Variants in PMPCB observed in about 807,000 individuals in gnomAD.
PMPCB encodes mitochondrial-processing peptidase subunit beta.
A neutral mutation model predicts 61.5 loss-of-function variants in PMPCB; 46 were observed. The ratio of observed to expected loss-of-function variants is 0.75; its 90% CI spans 0.59 to 0.96. The LOEUF is 0.96. Ranked by LOEUF, PMPCB falls within the 40% of genes least tolerant of loss-of-function variation. The pLI is 0.00. For synonymous variants in PMPCB, 191 were observed against 201.6 expected, an observed-to-expected ratio of 0.95 and a Z score of 0.44; for missense variants, 590 against 602.4, an observed-to-expected ratio of 0.98 and a Z score of 0.22.
In PMPCB at chr7:103,314,165, C is replaced by T; in HGVS notation, c.*1894C>T. 1.0e-6 allele frequency: 1 copy of T among 985,358 alleles called. No homozygotes were observed. The highest frequency in any genetic ancestry group is 1.7e-5 in the African/African-American group (1 of 57,346). 61.0% of individuals were successfully genotyped at this position (985,358 alleles called of 1,614,324 possible). A position where few individuals can be genotyped will look rare whatever the true frequency, so the allele number is the denominator to read the frequency against. On this transcript the variant is annotated 3_prime_UTR_variant, in exon 13 of 13. Coordinates refer to ENST00000249269, the MANE Select transcript of PMPCB (RefSeq NM_004279.3). ...TTCTAGGAAGTCTTTTGTTGAATTT[C>T]CTTGTATTGGTTTAAAGCCCTAAAT...
chr7:103,330,441 C>A (rs187916852), downstream of PMPCB, among the ~76,000 whole-genome samples: 2 of 151,258 alleles, frequency 1.3e-5, no homozygotes, highest in East Asian at 2.0e-4. Flanking sequence ...GTGCTCTCCA[C>A]CATGCCTTGC....
chr7:103,299,391 A>C (rs544205727), intron 2 of PMPCB, 52 bp from the exon 3 acceptor site: 40 of 1,126,138 alleles, frequency 3.6e-5, no homozygotes, highest in Non-Finnish European at 5.0e-5. Flanking sequence ...TGTTCCCCCC[A>C]ACCTCAAATA....
In PMPCB at chr7:103,307,594, A is replaced by C; in HGVS notation, c.737-2A>C. ...ATGTGAAAATATTTTCTTTCAATTT[A>C]GGTGTTTCCCATGATGAATTGCTTG... On this transcript the variant is annotated splice_acceptor_variant, in intron 6 of 12. Coordinates refer to ENST00000249269, the MANE Select transcript of PMPCB (RefSeq NM_004279.3). LOFTEE classifies it high-confidence loss of function. 1 of 1,565,116 alleles carries C rather than the reference A, an allele frequency of 6.4e-7. No homozygotes were observed. Among genetic ancestry groups the C allele is most frequent in the East Asian group, 2.2e-5 (1 of 44,564 alleles).
chr7:103,313,946 T>C lies in PMPCB; in HGVS notation c.*1675T>C. ...AGACTAATACTACCAGTAGCCTGAC[T>C]ACTACTAGAAACTGCGGCCTGTGAG... On this transcript the variant is annotated 3_prime_UTR_variant, in exon 13 of 13. Transcript: ENST00000249269. 2 of 985,356 alleles carry C rather than the reference T, an allele frequency of 2.0e-6. No individual in the cohort carries two copies. Among genetic ancestry groups the C allele is most frequent in the Non-Finnish European group, 2.4e-6 (2 of 829,870 alleles). 61.0% of individuals were successfully genotyped at this position (985,356 alleles called of 1,614,324 possible). A position where few individuals can be genotyped will look rare whatever the true frequency, so the allele number is the denominator to read the frequency against.
At chr7:103,308,810 C>A in intron 7 of PMPCB, 142 bp from the exon 8 acceptor site, 1 of 524,738 alleles carries the variant, frequency 1.9e-6, no homozygotes. Flanking sequence ...TGTAATGAGG[C>A]CTGATAGTTA....
intron 12 of PMPCB, chr7:103,324,573 A>G: frequency 6.9e-7 from 1 of 1,452,412 alleles, no homozygotes; most frequent in African/African-American, 1.4e-5. Context: ...CTGAAATATC[A>G]AAGGAAATAT....
intron 7 of PMPCB, among the ~76,000 whole-genome samples, 192 bp downstream of exon 7, chr7:103,307,900 A>G (rs1817631117): frequency 6.6e-6 from 1 of 152,150 alleles, no homozygotes; most frequent in Non-Finnish European, 1.5e-5. Flanking sequence ...TTCCTAAGGA[A>G]GCAAGGTTTT....
the PMPCB span, among the ~76,000 whole-genome samples, chr7:103,345,763 T>A: frequency 6.6e-6 from 1 of 151,844 alleles, no homozygotes. Context: ...GCCAATTAAA[T>A]ACATTTAATT....
downstream of PMPCB, among the ~76,000 whole-genome samples, chr7:103,331,757 T>C (rs62482397): frequency 0.065 from 9,913 of 152,198 alleles, 394 homozygotes; most frequent in South Asian, 0.13. Context: ...AGTCTGCTGA[T>C]GGACACTTAG....
downstream of PMPCB, chr7:103,317,006 T>G (rs199882463): frequency 6.2e-7 from 1 of 1,612,874 alleles, no homozygotes; most frequent in African/African-American, 1.3e-5. Context: ...GCTCATTTAT[T>G]TCTTCTATCT....
chr7:103,316,254 C>T (rs1372750304), downstream of PMPCB: 1 of 436,662 alleles, frequency 2.3e-6, no homozygotes, highest in Admixed American at 3.9e-5. Flanking sequence ...GCCTGGACTA[C>T]GGTTTTTGCT....
rs772452461 is a variant in PMPCB at position 103,311,709 on chromosome 7, CAT to C, written c.1222_1223del (p.Met408ValfsTer5). 8 of 1,613,620 alleles carry C rather than the reference CAT, an allele frequency of 5.0e-6. No homozygotes were observed. The highest frequency in any genetic ancestry group is 6.8e-6 in the Non-Finnish European group (8 of 1,179,604). ...ARARNLLKTNMLLQLDGSTPI... is the reference protein window; with the variant it reads ...ARARNLLKTNXLLQLDGSTPI... ...GAGCCAGAAATCTTCTGAAAACAAA[CAT>C]GTTGTTGCAGCTTGATGGTAAAAAT... On this transcript the variant is annotated frameshift_variant, in exon 10 of 13. Transcript: ENST00000249269. LOFTEE classifies it high-confidence loss of function.
chr7:103,319,766 C>A (rs75518967), intron 12 of PMPCB: 1 of 1,614,206 alleles, frequency 6.2e-7, no homozygotes, highest in Non-Finnish European at 8.5e-7. Flanking sequence ...CTTGCCAGTT[C>A]AAGCCGATCA....
chr7:103,343,579 G>C, the PMPCB span, among the ~76,000 whole-genome samples: 2 of 152,170 alleles, frequency 1.3e-5, no homozygotes, highest in Admixed American at 1.3e-4. Context: ...TAGGAAGCTT[G>C]AATGAGACCA....
chr7:103,305,411 T>A (rs1460258600), intron 6 of PMPCB, among the ~76,000 whole-genome samples: 3 of 152,184 alleles, frequency 2.0e-5, no homozygotes, highest in Non-Finnish European at 2.9e-5. Flanking sequence ...GTTTTTTATT[T>A]TTTTCTTTTT....
At chr7:103,317,634 A>G (rs1818144011), downstream of PMPCB, among the ~76,000 whole-genome samples, 1 of 151,982 alleles carries the variant, frequency 6.6e-6, no homozygotes, top group African/African-American at 2.4e-5. Context: ...CATCACATTC[A>G]TAGTGCAGGT....
At chr7:103,332,825 TG>T (rs997690534), downstream of PMPCB, among the ~76,000 whole-genome samples, 5 of 152,262 alleles carry the variant, frequency 3.3e-5, no homozygotes, top group African/African-American at 1.2e-4. Flanking sequence ...GGTTCTGCCA[TG>T]TTGCCCAGGC....
chr7:103,339,946 C>T, the PMPCB span, among the ~76,000 whole-genome samples: 2 of 152,186 alleles, frequency 1.3e-5, no homozygotes, highest in Non-Finnish European at 1.5e-5. Context: ...TGAAGTGATT[C>T]TCCTGCCTCA....
chr7:103,325,764 A>C (rs769995537), intron 12 of PMPCB, among the ~76,000 whole-genome samples: 20 of 152,252 alleles, frequency 1.3e-4, no homozygotes, highest in Non-Finnish European at 2.6e-4. Context: ...TTTAAAACAA[A>C]CTTTAATGAA....
Sources: gnomAD v4.1 joint callset for allele counts (sites outside exome capture counted in the v4.1 genomes callset) on GRCh38, gnomAD v4.1.1 for gene constraint, MANE v1.5 for transcripts, NCBI Gene and HGNC (gene_info 2026-07-23, HGNC 2026-07-21) for gene names.